Variants in ROBO2 observed in about 807,000 individuals in gnomAD.
The protein encoded by ROBO2 is roundabout guidance receptor 2, also known as roundabout homolog 2.
In ROBO2, 53 loss-of-function variants were observed where a neutral mutation model predicts 160.8. The observed-to-expected ratio is 0.33, with a 90% confidence interval of 0.26 to 0.41. The LOEUF is 0.41. Among genes scored for constraint, ROBO2 ranks in the 10% least tolerant of loss-of-function variants. ROBO2 has a pLI of 1.00. For missense variants in ROBO2, 1,577 were observed against 1,722.4 expected, an observed-to-expected ratio of 0.92 and a Z score of 1.49; for synonymous variants, 664 against 611.7, an observed-to-expected ratio of 1.09 and a Z score of -1.26.
At chr3:75,998,115 C>T (rs1371069954) in intron 2 of ROBO2, among the ~76,000 whole-genome samples, 1 of 152,110 alleles carries the variant, frequency 6.6e-6, no homozygotes, top group East Asian at 1.9e-4. Flanking sequence ...TCTATATCTA[C>T]ATAAAATGTA....
chr3:77,615,877 A>G (rs937938256), intron 21 of ROBO2, among the ~76,000 whole-genome samples: 12 of 152,194 alleles, frequency 7.9e-5, no homozygotes, highest in African/African-American at 2.9e-4. Context: ...TTCAAGAATC[A>G]TCCGGACATT....
intron 2 of ROBO2, among the ~76,000 whole-genome samples, chr3:76,583,159 G>A (rs1034261156): frequency 3.9e-5 from 6 of 152,132 alleles, no homozygotes; most frequent in Admixed American, 3.3e-4. Context: ...GCAGTGCTCC[G>A]TTGTAAATAT....
At chr3:76,746,638 A>T (rs1272032355) in intron 2 of ROBO2, among the ~76,000 whole-genome samples, 1 of 152,168 alleles carries the variant, frequency 6.6e-6, no homozygotes, top group Admixed American at 6.6e-5. Flanking sequence ...ATCCAGCAGC[A>T]CATCAAAAAG....
At chr3:76,289,617 G>A (rs1305867171) in intron 2 of ROBO2, among the ~76,000 whole-genome samples, 1 of 152,080 alleles carries the variant, frequency 6.6e-6, no homozygotes, top group African/African-American at 2.4e-5. Flanking sequence ...CGTTTTTATA[G>A]TTTTAGGTTT....
intron 1 of ROBO2, among the ~76,000 whole-genome samples, chr3:75,930,843 G>A (rs959474983): frequency 6.6e-6 from 1 of 152,082 alleles, no homozygotes; most frequent in Non-Finnish European, 1.5e-5. Context: ...GATTTCCAGT[G>A]TCCCCAGCCT....
chr3:77,466,251 C>A (rs1009564159), intron 2 of ROBO2, among the ~76,000 whole-genome samples: 1 of 152,060 alleles, frequency 6.6e-6, no homozygotes, highest in Non-Finnish European at 1.5e-5. Context: ...TCTAATTCAG[C>A]AAAATTCATG....
At chr3:76,871,643 T>C (rs1265055975) in intron 2 of ROBO2, among the ~76,000 whole-genome samples, 1 of 152,176 alleles carries the variant, frequency 6.6e-6, no homozygotes, top group Non-Finnish European at 1.5e-5. Flanking sequence ...ATTAGTAGAA[T>C]TTATACAGAT....
At position 77,646,103 on chromosome 3, in the gene ROBO2, G is replaced by A. The variant is rs550965025; in HGVS notation, c.*48G>A. On this transcript the variant is annotated 3_prime_UTR_variant, in exon 26 of 26. Coordinates refer to ENST00000461745, the Ensembl canonical transcript of ROBO2. ...GCTGCTCTGAAGGACCATCAGGTCCGGACTCATGGAAGTGATGACTCTAAA... is the reference window on the plus strand; with the variant it reads ...GCTGCTCTGAAGGACCATCAGGTCCAGACTCATGGAAGTGATGACTCTAAA... 15 of 1,500,312 alleles carry A rather than the reference G, an allele frequency of 1.0e-5. No individual in the cohort carries two copies. The highest frequency in any genetic ancestry group is 4.1e-4 in the Middle Eastern group (2 of 4,922). The allele number at this position is 1,500,312 out of a possible 1,614,324, so 92.9% of individuals were successfully genotyped here. A position where few individuals can be genotyped will look rare whatever the true frequency, so the allele number is the denominator to read the frequency against.
chr3:76,342,703 T>A (rs1174345719), intron 2 of ROBO2, among the ~76,000 whole-genome samples: 2 of 152,098 alleles, frequency 1.3e-5, no homozygotes, highest in African/African-American at 4.8e-5. Flanking sequence ...CACTAGAGTA[T>A]GGTAGGGAAT....
chr3:76,391,316 G>A (rs1204975855), intron 2 of ROBO2, among the ~76,000 whole-genome samples: 2 of 152,130 alleles, frequency 1.3e-5, no homozygotes, highest in African/African-American at 4.8e-5. Context: ...GACTAAGACC[G>A]ATTATGAGTG....
At chr3:76,978,465 T>G (rs2059917261) in intron 2 of ROBO2, among the ~76,000 whole-genome samples, 1 of 152,108 alleles carries the variant, frequency 6.6e-6, no homozygotes, top group Non-Finnish European at 1.5e-5. Context: ...TATATTTGAG[T>G]GTCTTTTAAC....
chr3:77,463,861 G>T (rs1392452504), intron 2 of ROBO2, among the ~76,000 whole-genome samples: 1 of 152,110 alleles, frequency 6.6e-6, no homozygotes, highest in African/African-American at 2.4e-5. Context: ...GGGATTATAG[G>T]CGTCAGCCAC....
intron 2 of ROBO2, among the ~76,000 whole-genome samples, chr3:77,447,625 T>G (rs2080680627): frequency 6.6e-6 from 1 of 152,108 alleles, no homozygotes; most frequent in East Asian, 1.9e-4. Context: ...AATTCATTTT[T>G]TATATTTATA....
At chr3:76,690,421 C>T (rs1439665545) in intron 2 of ROBO2, among the ~76,000 whole-genome samples, 2 of 151,938 alleles carry the variant, frequency 1.3e-5, no homozygotes, top group Admixed American at 1.3e-4. Context: ...GGGAAAGTGG[C>T]TTTATCCCCT....
At chr3:77,331,414 C>A (rs978496706) in intron 2 of ROBO2, among the ~76,000 whole-genome samples, 2 of 152,116 alleles carry the variant, frequency 1.3e-5, no homozygotes, top group Non-Finnish European at 2.9e-5. Context: ...GTGGGGTAGA[C>A]TGAAAAACAA....
exon 26 of ROBO2, chr3:77,646,102 C>T (rs1163175407): frequency 8.6e-6 from 13 of 1,517,042 alleles, no homozygotes; most frequent in African/African-American, 2.8e-5. Context: ...CCATCAGGTC[C>T]GGACTCATGG....
At chr3:76,441,839 G>A (rs2076938459) in intron 2 of ROBO2, among the ~76,000 whole-genome samples, 1 of 152,194 alleles carries the variant, frequency 6.6e-6, no homozygotes, top group Admixed American at 6.5e-5. Context: ...CAGCTGCTAG[G>A]CTGGCTTTGT....
chr3:76,812,913 T>TA (rs967379613), intron 2 of ROBO2, among the ~76,000 whole-genome samples: 4 of 145,964 alleles, frequency 2.7e-5, no homozygotes, highest in Middle Eastern at 3.4e-3. Context: ...GTATAAATTT[T>TA]TTTTTTTTTT....
chr3:77,185,051 G>T (rs911459983), intron 2 of ROBO2, among the ~76,000 whole-genome samples: 11 of 151,926 alleles, frequency 7.2e-5, no homozygotes, highest in African/African-American at 2.4e-4. Flanking sequence ...AACAGATTTG[G>T]CAAAATTTGA....
Sources: allele counts gnomAD v4.1 joint callset (sites outside exome capture counted in the v4.1 genomes callset), GRCh38; gene constraint gnomAD v4.1.1; transcripts MANE v1.5; gene names NCBI Gene and HGNC (gene_info 2026-07-23, HGNC 2026-07-21).